KCND3: variants seen among roughly 807,000 people sequenced by gnomAD.
KCND3 encodes the protein potassium voltage-gated channel subfamily D member 3.
In KCND3, 9 loss-of-function variants were observed where a neutral mutation model predicts 51.1. That is an observed-to-expected ratio of 0.18 (90% CI 0.11 to 0.31). The LOEUF is 0.31. KCND3 is among the 10% of genes least tolerant of loss of function. KCND3 has a pLI of 1.00. For synonymous variants in KCND3, 349 were observed against 368.0 expected, an observed-to-expected ratio of 0.95 and a Z score of 0.59; for missense variants, 526 against 903.8, an observed-to-expected ratio of 0.58 and a Z score of 5.36.
intron 2 of KCND3, among the ~76,000 whole-genome samples, chr1:111,892,288 C>T (rs1669868988): frequency 6.6e-6 from 1 of 152,194 alleles, no homozygotes; most frequent in African/African-American, 2.4e-5. Context: ...CCCCTAGACT[C>T]TCTCTTTCTC....
intron 2 of KCND3, among the ~76,000 whole-genome samples, chr1:111,949,917 T>G (rs1672971956): frequency 6.6e-6 from 1 of 152,230 alleles, no homozygotes; most frequent in Non-Finnish European, 1.5e-5. Context: ...TGTTTTATTT[T>G]GTTTTGTTTT....
At chr1:111,794,591 C>T (rs992237643) in intron 2 of KCND3, among the ~76,000 whole-genome samples, 2 of 152,196 alleles carry the variant, frequency 1.3e-5, no homozygotes, top group African/African-American at 4.8e-5. Context: ...GGATGGGGCA[C>T]AGAAGCTGTC....
chr1:111,932,027 G>A (rs150416202), intron 2 of KCND3, among the ~76,000 whole-genome samples: 6 of 152,348 alleles, frequency 3.9e-5, no homozygotes, highest in African/African-American at 1.4e-4. Context: ...GTTAGCCCTT[G>A]GCTTGTGGCC....
chr1:111,784,103 TCACACACACACACACACACACA>T (rs369429634), intron 3 of KCND3, among the ~76,000 whole-genome samples: 7 of 117,564 alleles, frequency 6.0e-5, no homozygotes, highest in East Asian at 4.5e-4. Flanking sequence ...CATTAACTTA[TCACACACACACACACACACACA>T]CACACACACA....
At position 111,777,105 on chromosome 1, in the gene KCND3, G is replaced by A. The variant is rs1477274905; in HGVS notation, c.1687C>T (p.Pro563Ser). ...KTTHLPNSNL[P>S]ATRLRSMQEL... ...TGCATGCTGCGCAGGCGAGTAGCTGGCAGGTTAGAATTGGGCAGGTGTGTG... is the reference window on the plus strand; with the variant it reads ...TGCATGCTGCGCAGGCGAGTAGCTGACAGGTTAGAATTGGGCAGGTGTGTG... Residue 563 changes from proline (P) to serine (S), a missense_variant, in exon 7 of 8, where the codon CCA becomes TCA. This residue lies in a region of KCND3 where 266 missense variants were observed against 305.5 expected (regional missense o/e 0.87). Transcript: ENST00000302127. 1 of 1,614,120 alleles carries A rather than the reference G, an allele frequency of 6.2e-7. No individual in the cohort carries two copies. Among genetic ancestry groups the A allele is most frequent in the Non-Finnish European group, 8.5e-7 (1 of 1,179,986 alleles).
chr1:111,847,178 C>A (rs1430503061), intron 2 of KCND3, among the ~76,000 whole-genome samples: 1 of 152,284 alleles, frequency 6.6e-6, no homozygotes. Flanking sequence ...AAGATGCTCT[C>A]CAGCAGGCGA....
At chr1:111,816,677 C>A (rs1459814108) in intron 2 of KCND3, among the ~76,000 whole-genome samples, 1 of 152,214 alleles carries the variant, frequency 6.6e-6, no homozygotes. Flanking sequence ...GTATTATTGC[C>A]AACTGTTTTA....
chr1:111,847,473 G>A (rs886670659), intron 2 of KCND3, among the ~76,000 whole-genome samples: 4 of 152,130 alleles, frequency 2.6e-5, no homozygotes, highest in African/African-American at 7.2e-5. Flanking sequence ...GAATAAACAC[G>A]TCAGGCAGGG....
At chr1:111,788,126 T>C (rs755427071) in intron 2 of KCND3, among the ~76,000 whole-genome samples, 7 of 152,248 alleles carry the variant, frequency 4.6e-5, no homozygotes, top group African/African-American at 7.2e-5. Flanking sequence ...CTACTCAGTC[T>C]TCGGCATGCA....
At chr1:111,872,799 C>T (rs769697779) in intron 2 of KCND3, among the ~76,000 whole-genome samples, 10 of 152,088 alleles carry the variant, frequency 6.6e-5, no homozygotes, top group Non-Finnish European at 1.3e-4. Context: ...TTGGCCTGTC[C>T]ACTCCCATGT....
intron 2 of KCND3, among the ~76,000 whole-genome samples, chr1:111,844,057 G>A (rs1259654711): frequency 1.3e-5 from 2 of 152,202 alleles, no homozygotes; most frequent in Non-Finnish European, 2.9e-5. Context: ...GAGAGAGGAA[G>A]AGGTGAGGTG....
intron 2 of KCND3, among the ~76,000 whole-genome samples, chr1:111,842,585 C>T (rs1208741389): frequency 6.6e-6 from 1 of 152,206 alleles, no homozygotes; most frequent in Admixed American, 6.5e-5. Context: ...TGCCAAGGAG[C>T]TTTCACTCTG....
intron 2 of KCND3, among the ~76,000 whole-genome samples, chr1:111,882,795 AAG>A (rs1361359453): frequency 6.6e-6 from 1 of 152,050 alleles, no homozygotes; most frequent in African/African-American, 2.4e-5. Context: ...AGGGTGGTGG[AAG>A]AGAGTCCAGC....
intron 2 of KCND3, among the ~76,000 whole-genome samples, chr1:111,826,618 T>G (rs1045548929): frequency 6.6e-6 from 1 of 152,196 alleles, no homozygotes; most frequent in African/African-American, 2.4e-5. Context: ...AAGAGGTCAC[T>G]CACAGGTGGT....
intron 2 of KCND3, among the ~76,000 whole-genome samples, chr1:111,887,784 G>A (rs1669635183): frequency 6.6e-6 from 1 of 152,218 alleles, no homozygotes. Context: ...AAAGCATCCA[G>A]GAATGGGAAA....
chr1:111,817,337 C>G (rs1037178596), intron 2 of KCND3, among the ~76,000 whole-genome samples: 1 of 152,172 alleles, frequency 6.6e-6, no homozygotes, highest in South Asian at 2.1e-4. Flanking sequence ...TGGTACAACT[C>G]TTTGGGAAAG....
intron 2 of KCND3, among the ~76,000 whole-genome samples, chr1:111,818,161 T>C (rs771712839): frequency 1.3e-5 from 2 of 152,068 alleles, no homozygotes; most frequent in Non-Finnish European, 1.5e-5. Context: ...TTCTAGGCAG[T>C]GAAGCTGCTA....
intron 2 of KCND3, among the ~76,000 whole-genome samples, chr1:111,863,030 G>A (rs1302782199): frequency 6.6e-6 from 1 of 152,150 alleles, no homozygotes; most frequent in Non-Finnish European, 1.5e-5. Context: ...ATAGAAAGCG[G>A]ACTAATGATA....
rs552136995 is a variant in KCND3, at chr1:111,934,471, C to T, written c.1106+47150G>A. Among the ~76,000 whole-genome samples the T allele has an allele frequency of 2.6e-5, 4 of 152,290 alleles. No homozygotes were observed. In the South Asian group the frequency reaches 6.2e-4, roughly 24 times the overall value. Reference sequence around the variant, plus strand: ...GCTGGCCACAGCAAGCACCTCAGCCCCAGACATAGAAGGCCCAGGTGAAAG... The same window carrying T: ...GCTGGCCACAGCAAGCACCTCAGCCTCAGACATAGAAGGCCCAGGTGAAAG... On this transcript the variant is annotated intron_variant, in intron 2 of 7. Coordinates refer to ENST00000302127, the MANE Select transcript of KCND3 (RefSeq NM_001378969.1).
Sources: allele counts gnomAD v4.1 joint callset (sites outside exome capture counted in the v4.1 genomes callset), GRCh38; gene constraint gnomAD v4.1.1; regional missense constraint gnomAD v4.1.1; transcripts MANE v1.5; gene names NCBI Gene and HGNC (gene_info 2026-07-23, HGNC 2026-07-21).